NCEH1: variants seen among roughly 807,000 people sequenced by gnomAD.
NCEH1 encodes 2-acetyl MAGE hydrolase.
In NCEH1, 9 loss-of-function variants were observed where a neutral mutation model predicts 25.4. The ratio of observed to expected loss-of-function variants is 0.35; its 90% CI spans 0.21 to 0.62. The LOEUF is 0.62. Among genes scored for constraint, NCEH1 ranks in the 20% least tolerant of loss-of-function variants. The pLI, the probability that NCEH1 is intolerant of heterozygous loss-of-function variation, is 0.72. For missense variants in NCEH1, 412 were observed against 501.1 expected (o/e 0.82, Z 1.70); for synonymous variants, 200 against 199.8 (o/e 1.00, Z -0.01).
intron 3 of NCEH1, among the ~76,000 whole-genome samples, chr3:172,642,415 A>G (rs1716893914): frequency 6.6e-6 from 1 of 151,842 alleles, no homozygotes; most frequent in Admixed American, 6.6e-5. Context: ...GACTCAAGTG[A>G]TCCACCTGCC....
At chr3:172,661,197 G>C (rs6795624) in intron 1 of NCEH1, among the ~76,000 whole-genome samples, 6,274 of 152,218 alleles carry the variant, frequency 0.041, 432 homozygotes, top group African/African-American at 0.14. Context: ...CATATGGCTA[G>C]CCAGTTTTCC....
rs1716579099 is a variant in NCEH1, at chr3:172,635,980, G to C, written c.545C>G (p.Pro182Arg). The change falls in exon 4 of 5, where the codon CCA becomes CGA. Residue 182 changes from proline (P) to arginine (R), a missense_variant. By Grantham distance (103) the Pro-to-Arg change is moderately radical (BLOSUM62 -2). Around this residue, in one of 3 missense-constraint regions of NCEH1, gnomAD observed 24 missense variants for 53.8 expected, o/e 0.45. Coordinates refer to ENST00000475381, the MANE Select transcript of NCEH1 (RefSeq NM_020792.6). The stretch of plus-strand genomic sequence containing the variant: ...GTCACCAGAAATGCAAATTCTGCCT[G>C]GATCAACCATATACTTCTGTAAGAC... ...PEVLQKYMVD[P>R]GRICISGDSA... 2 of 1,613,978 alleles carry C rather than the reference G, an allele frequency of 1.2e-6. No homozygotes were observed.
intron 1 of NCEH1, among the ~76,000 whole-genome samples, chr3:172,693,064 C>T (rs990572825): frequency 3.9e-5 from 6 of 152,172 alleles, no homozygotes; most frequent in African/African-American, 9.7e-5. Context: ...ACCTGGCTCC[C>T]GTAGGACCCA....
intron 2 of NCEH1, among the ~76,000 whole-genome samples, chr3:172,646,861 T>G (rs1440635067): frequency 2.0e-5 from 3 of 152,176 alleles, no homozygotes; most frequent in Non-Finnish European, 2.9e-5. Context: ...AAACTCCTTC[T>G]TATTCATTTT....
At chr3:172,696,149 T>C (rs141404064) in intron 1 of NCEH1, among the ~76,000 whole-genome samples, 93 of 152,270 alleles carry the variant, frequency 6.1e-4, no homozygotes, top group African/African-American at 2.1e-3. Flanking sequence ...TTAATCCTTA[T>C]AAGCCTTGAA....
At chr3:172,668,859 T>C (rs972285590) in intron 1 of NCEH1, among the ~76,000 whole-genome samples, 24 of 151,818 alleles carry the variant, frequency 1.6e-4, no homozygotes, top group African/African-American at 4.9e-4. Context: ...AAGCTAAATA[T>C]AGCTAGGTAT....
intron 1 of NCEH1, among the ~76,000 whole-genome samples, chr3:172,694,398 G>C (rs59266890): frequency 0.38 from 56,060 of 145,832 alleles, 10,776 homozygotes; most frequent in African/African-American, 0.52. Flanking sequence ...GTGTGTCTGT[G>C]TGTGTGTGTG....
chr3:172,708,442 G>A (rs946363055), intron 1 of NCEH1, among the ~76,000 whole-genome samples: 1 of 152,094 alleles, frequency 6.6e-6, no homozygotes, highest in African/African-American at 2.4e-5. Context: ...CGCAACCTCC[G>A]CCTCCCAGGT....
intron 1 of NCEH1, among the ~76,000 whole-genome samples, chr3:172,685,760 A>G (rs926267360): frequency 6.6e-5 from 10 of 152,166 alleles, no homozygotes; most frequent in African/African-American, 2.4e-4. Flanking sequence ...GAAGTAGAGC[A>G]TCATTCTAAA....
chr3:172,693,698 A>G lies in NCEH1; in HGVS notation c.138+17149T>C, dbSNP rs1576776485. Reference sequence around the variant, plus strand: ...AATAATACTATTTTTCTTTTCATCCATGTATTAAGCTTCATTTAATTGAAC... The same window carrying G: ...AATAATACTATTTTTCTTTTCATCCGTGTATTAAGCTTCATTTAATTGAAC... On this transcript the variant is annotated intron_variant, in intron 1 of 4. Coordinates refer to ENST00000475381, the MANE Select transcript of NCEH1 (RefSeq NM_020792.6). 3.3e-5 allele frequency among the ~76,000 whole-genome samples: 5 copies of G among 152,254 alleles called. 1 individual carries two copies. The Middle Eastern group carries it at 0.017, about 518-fold the overall frequency.
chr3:172,673,442 C>CT (rs1277469231), intron 1 of NCEH1, among the ~76,000 whole-genome samples: 3 of 152,164 alleles, frequency 2.0e-5, no homozygotes, highest in Non-Finnish European at 4.4e-5. Context: ...GCTAAGAGCT[C>CT]TTACAAGAGC....
At chr3:172,643,641 C>T (rs1256962968) in intron 3 of NCEH1, among the ~76,000 whole-genome samples, 1 of 152,168 alleles carries the variant, frequency 6.6e-6, no homozygotes, top group Non-Finnish European at 1.5e-5. Flanking sequence ...ACCCATTTTA[C>T]TTGAGACAGA....
At chr3:172,680,789 CACTGAGTGGAGACTG>C (rs1464148098) in intron 1 of NCEH1, 1 of 152,246 alleles carries the variant, frequency 6.6e-6, no homozygotes, top group Non-Finnish European at 1.5e-5. Flanking sequence ...TTAAGCGTCG[CACTGAGTGGAGACTG>C]ACAGCACAGC....
At chr3:172,635,634 C>CT (rs1176136523) in intron 4 of NCEH1, among the ~76,000 whole-genome samples, 3 of 152,250 alleles carry the variant, frequency 2.0e-5, no homozygotes, top group African/African-American at 7.2e-5. Context: ...ACTGGAGTTC[C>CT]ATACATAGCC....
At chr3:172,687,240 T>C (rs1225621850) in intron 1 of NCEH1, among the ~76,000 whole-genome samples, 2 of 152,166 alleles carry the variant, frequency 1.3e-5, no homozygotes, top group African/African-American at 2.4e-5. Flanking sequence ...TTCTGACCCA[T>C]TCTTCAAGGT....
chr3:172,710,219 C>T (rs570257701), intron 1 of NCEH1, among the ~76,000 whole-genome samples: 1 of 152,356 alleles, frequency 6.6e-6, no homozygotes, highest in South Asian at 2.1e-4. Flanking sequence ...GCCTCCTCAC[C>T]TCCTTTCAGC....
intron 3 of NCEH1, 102 bp downstream of exon 3, chr3:172,645,521 A>T: frequency 1.5e-6 from 1 of 671,348 alleles, no homozygotes; most frequent in Non-Finnish European, 2.6e-6. Context: ...CCAACTTGAG[A>T]CCTTTATTTT....
At chr3:172,704,848 C>T (rs1187297444) in intron 1 of NCEH1, among the ~76,000 whole-genome samples, 1 of 152,228 alleles carries the variant, frequency 6.6e-6, no homozygotes, top group African/African-American at 2.4e-5. Flanking sequence ...CTGTTCTACA[C>T]CTATCAGCTT....
At chr3:172,698,933 C>G (rs547843724) in intron 1 of NCEH1, among the ~76,000 whole-genome samples, 173 of 152,314 alleles carry the variant, frequency 1.1e-3, no homozygotes, top group Non-Finnish European at 2.1e-3. Flanking sequence ...TCTTTAGTCT[C>G]TCTATCGTGA....
Sources: gnomAD v4.1 joint callset for allele counts (sites outside exome capture counted in the v4.1 genomes callset) on GRCh38, gnomAD v4.1.1 for gene constraint, gnomAD v4.1.1 regional missense constraint, MANE v1.5 for transcripts, NCBI Gene and HGNC (gene_info 2026-07-23, HGNC 2026-07-21) for gene names.